Variants in PPP1R12A observed in about 807,000 individuals in gnomAD.
The protein encoded by PPP1R12A is protein phosphatase 1 regulatory subunit 12A, also known as myosin binding subunit.
In PPP1R12A, 19 loss-of-function variants were observed where a neutral mutation model predicts 139.6. The observed-to-expected ratio is 0.14, with a 90% CI of 0.09 to 0.20. The LOEUF (loss-of-function observed/expected upper bound fraction) is 0.20. Among genes scored for constraint, PPP1R12A ranks in the 10% least tolerant of loss-of-function variants. The pLI is 1.00. For missense variants in PPP1R12A, 925 were observed against 1,211.5 expected, an observed-to-expected ratio of 0.76 and a Z score of 3.51; for synonymous variants, 427 against 420.6, an observed-to-expected ratio of 1.02 and a Z score of -0.19.
intron 9 of PPP1R12A, among the ~76,000 whole-genome samples, chr12:79,810,924 C>T (rs955082285): frequency 6.6e-6 from 1 of 151,838 alleles, no homozygotes; most frequent in Non-Finnish European, 1.5e-5. Context: ...TACTGATTTC[C>T]CCACCAAACA....
intron 20 of PPP1R12A, 88 bp from the exon 21 acceptor site, chr12:79,788,871 G>A (rs1476163928): frequency 8.9e-7 from 1 of 1,122,160 alleles, no homozygotes; most frequent in African/African-American, 1.6e-5. Context: ...TAACTTGACA[G>A]TTCAAAAGAG....
intron 1 of PPP1R12A, among the ~76,000 whole-genome samples, chr12:79,930,487 A>G (rs1345372968): frequency 6.6e-6 from 1 of 152,166 alleles, no homozygotes; most frequent in Non-Finnish European, 1.5e-5. Context: ...AGGGATAAAA[A>G]TAAGGCTAGG....
intron 1 of PPP1R12A, among the ~76,000 whole-genome samples, chr12:79,892,588 T>C (rs1463795288): frequency 6.6e-6 from 1 of 152,214 alleles, no homozygotes; most frequent in Non-Finnish European, 1.5e-5. Context: ...TCTTCGATGC[T>C]AGTACTTTTA....
At chr12:79,878,694 C>T (rs964804028) in intron 1 of PPP1R12A, among the ~76,000 whole-genome samples, 3 of 151,984 alleles carry the variant, frequency 2.0e-5, no homozygotes, top group Non-Finnish European at 4.4e-5. Flanking sequence ...CAAGGAGAAG[C>T]GCCGAGCAAA....
chr12:79,913,995 CA>C (rs1886800025), intron 1 of PPP1R12A: 1 of 152,008 alleles, frequency 6.6e-6, no homozygotes, highest in Non-Finnish European at 1.5e-5. Flanking sequence ...TTAATTAAGA[CA>C]TTTAAAAAAA....
chr12:79,841,811 A>G (rs1243951436), intron 3 of PPP1R12A, among the ~76,000 whole-genome samples: 1 of 152,206 alleles, frequency 6.6e-6, no homozygotes, highest in Non-Finnish European at 1.5e-5. Flanking sequence ...ACTCAATTCT[A>G]GAAGATCCTA....
chr12:79,908,526 C>A (rs1886309117), intron 1 of PPP1R12A, among the ~76,000 whole-genome samples: 1 of 152,102 alleles, frequency 6.6e-6, no homozygotes, highest in African/African-American at 2.4e-5. Flanking sequence ...CCAATAAAAA[C>A]AAACAAGATT....
At chr12:79,865,036 T>C (rs2596786) in intron 2 of PPP1R12A, among the ~76,000 whole-genome samples, 31,519 of 152,074 alleles carry the variant, frequency 0.21, 5,886 homozygotes, top group African/African-American at 0.5. Flanking sequence ...TTTAGGCCAA[T>C]ATTCCTGATG....
At chr12:79,910,814 C>T (rs1886505403) in intron 1 of PPP1R12A, among the ~76,000 whole-genome samples, 1 of 151,986 alleles carries the variant, frequency 6.6e-6, no homozygotes, top group African/African-American at 2.4e-5. Flanking sequence ...TAGCTAGTGG[C>T]TAAAAAAGTT....
intron 2 of PPP1R12A, among the ~76,000 whole-genome samples, chr12:79,866,197 C>G (rs1881940580): frequency 6.6e-6 from 1 of 152,142 alleles, no homozygotes; most frequent in Admixed American, 6.5e-5. Flanking sequence ...TTTGACAAAC[C>G]TGACACACAC....
In PPP1R12A at chr12:79,796,900, G is replaced by A. The variant is rs778997256; in HGVS notation, c.2343C>T (p.Ser781=). 7.4e-6 allele frequency: 12 copies of A among 1,612,614 alleles called. No individual in the cohort carries two copies. The African/African-American group carries it at 9.4e-5, about 13-fold the overall frequency. Residue 781 remains serine, a synonymous_variant, in exon 17 of 25, where the codon TCC becomes TCT. Transcript: ENST00000450142. ...PVSTSSSTTP[S]SSLSTMSSSL... is the part of the protein sequence containing the mutation. Reference sequence around the variant, plus strand: ...AACTGCTCATAGTAGAAAGTGAAGAGGATGGAGTGGTTGAACTTGAAGTTG... The same window carrying A: ...AACTGCTCATAGTAGAAAGTGAAGAAGATGGAGTGGTTGAACTTGAAGTTG...
intron 18 of PPP1R12A, among the ~76,000 whole-genome samples, chr12:79,795,233 G>C (rs1483791289): frequency 6.6e-6 from 1 of 152,078 alleles, no homozygotes; most frequent in African/African-American, 2.4e-5. Context: ...GCAAAGCACT[G>C]TGTCTATTTA....
chr12:79,912,135 T>A (rs994074467), intron 1 of PPP1R12A, among the ~76,000 whole-genome samples: 3 of 152,128 alleles, frequency 2.0e-5, no homozygotes, highest in African/African-American at 7.2e-5. Flanking sequence ...AGAATCTATC[T>A]CTCCACCCTC....
At chr12:79,784,977 C>T (rs1196703503) in intron 22 of PPP1R12A, among the ~76,000 whole-genome samples, 2 of 151,998 alleles carry the variant, frequency 1.3e-5, no homozygotes, top group East Asian at 1.9e-4. Context: ...TAATGAAATC[C>T]CTAGAGCTGA....
Position 79,876,788 on chromosome 12 carries a change from G to A in PPP1R12A, c.238-3850C>T, listed in dbSNP as rs1883144608. 2.6e-5 allele frequency among the ~76,000 whole-genome samples: 4 copies of A among 152,092 alleles called. No individual in the cohort carries two copies. In the South Asian group the frequency reaches 8.3e-4, roughly 31 times the overall value. On this transcript the variant is annotated intron_variant, in intron 1 of 24. Coordinates refer to ENST00000450142, the MANE Select transcript of PPP1R12A (RefSeq NM_002480.3). ...TTAAAGCGGGAGGCTGAGGCAGGTG[G>A]ATCATGAGATCAGCAGATCAAGACC...
intron 1 of PPP1R12A, among the ~76,000 whole-genome samples, chr12:79,933,625 CTA>C (rs1888417682): frequency 6.6e-6 from 1 of 152,178 alleles, no homozygotes; most frequent in African/African-American, 2.4e-5. Flanking sequence ...TAGAAAAAGC[CTA>C]TGTTTTGTCA....
chr12:79,852,937 A>G (rs1357446586), intron 2 of PPP1R12A, among the ~76,000 whole-genome samples: 1 of 152,216 alleles, frequency 6.6e-6, no homozygotes, highest in Non-Finnish European at 1.5e-5. Context: ...TTACTCCCAA[A>G]TAAACGTAGA....
At chr12:79,859,549 T>A (rs531116477) in intron 2 of PPP1R12A, among the ~76,000 whole-genome samples, 4 of 152,062 alleles carry the variant, frequency 2.6e-5, no homozygotes, top group Admixed American at 2.6e-4. Flanking sequence ...CAAAGTTATA[T>A]CCTTAAATAG....
chr12:79,799,309 C>T lies in PPP1R12A; in HGVS notation c.2001-725G>A, dbSNP rs11833280. Among the ~76,000 whole-genome samples, 1,486 of 152,158 alleles carry T rather than the reference C, an allele frequency of 9.8e-3. 31 individuals carry two copies. Among genetic ancestry groups the T allele is most frequent in the African/African-American group, 0.034 (1,430 of 41,516 alleles). ...GACTACCTGCACATACCACCACGCC[C>T]GACTAATTTTTTTATTTTTAGTGGA... On this transcript the variant is annotated intron_variant, in intron 14 of 24. Transcript: ENST00000450142.
Sources: gnomAD v4.1 joint callset for allele counts (sites outside exome capture counted in the v4.1 genomes callset) on GRCh38, gnomAD v4.1.1 for gene constraint, MANE v1.5 for transcripts, NCBI Gene and HGNC (gene_info 2026-07-23, HGNC 2026-07-21) for gene names.